Variants in DNAH6 observed in about 807,000 individuals in gnomAD.
DNAH6 encodes dynein axonemal heavy chain 6.
In DNAH6, 340 loss-of-function variants were observed where a neutral mutation model predicts 491.4. The observed-to-expected ratio is 0.69, with a 90% CI of 0.63 to 0.76. The LOEUF is 0.76. Among genes scored for constraint, DNAH6 ranks in the 30% least tolerant of loss-of-function variants. The pLI is 0.00. For missense variants in DNAH6, 4,443 were observed against 4,972.2 expected (o/e 0.89, Z 3.20); for synonymous variants, 1,603 against 1,686.1 (o/e 0.95, Z 1.21).
At chr2:84,808,131 A>ATATATGTGTG (rs369348036) in intron 71 of DNAH6, among the ~76,000 whole-genome samples, 3 of 141,152 alleles carry the variant, frequency 2.1e-5, no homozygotes, top group African/African-American at 8.5e-5. Context: ...GTGTATATAT[A>ATATATGTGTG]TGTGTGTGTG....
chr2:84,558,947 A>T (rs1159937136), intron 11 of DNAH6, among the ~76,000 whole-genome samples: 1 of 152,162 alleles, frequency 6.6e-6, no homozygotes. Context: ...TTCAAACCTA[A>T]AATTTACCCA....
At chr2:84,601,147 T>C (rs1210546434) in intron 18 of DNAH6, among the ~76,000 whole-genome samples, 2 of 148,998 alleles carry the variant, frequency 1.3e-5, no homozygotes, top group East Asian at 1.9e-4. Context: ...CTTGAGGTGC[T>C]GGGAAGTAAG....
At chr2:84,788,533 A>T (rs1172714162) in intron 68 of DNAH6, among the ~76,000 whole-genome samples, 1 of 152,250 alleles carries the variant, frequency 6.6e-6, no homozygotes, top group African/African-American at 2.4e-5. Context: ...GAAAAAAAGA[A>T]TGAAGTCAAA....
At chr2:84,745,288 AT>A (rs1268622755) in intron 63 of DNAH6, 39 bp downstream of exon 63, 1 of 1,354,712 alleles carries the variant, frequency 7.4e-7, no homozygotes, top group Non-Finnish European at 9.7e-7. Context: ...TGTTACAATT[AT>A]TTCTACTAAA....
chr2:84,593,807 T>G (rs1424799035), intron 16 of DNAH6, among the ~76,000 whole-genome samples, 165 bp from the exon 17 acceptor site: 3 of 123,186 alleles, frequency 2.4e-5, no homozygotes, highest in Non-Finnish European at 4.6e-5. Flanking sequence ...TTTTGTGGAG[T>G]TTTTTTTTTT....
At chr2:84,812,691 TATA>T (rs1372162080) in intron 73 of DNAH6, among the ~76,000 whole-genome samples, 165 bp downstream of exon 73, 1 of 152,216 alleles carries the variant, frequency 6.6e-6, no homozygotes, top group Non-Finnish European at 1.5e-5. Context: ...TTATACTGAT[TATA>T]ATATCGTTTG....
Position 84,595,740 on chromosome 2 carries a change from A to G in DNAH6, c.2819A>G (p.Asn940Ser). Residue 940 changes from asparagine (N) to serine (S), a missense_variant, in exon 18 of 77, where the codon AAC (asparagine) becomes AGC (serine). By Grantham distance (46) the Asn-to-Ser change is conservative (BLOSUM62 1). Transcript: ENST00000389394. The stretch of plus-strand genomic sequence containing the variant: ...CAACTGGAAAAAGGCTTGCCACCCA[A>G]CAGTGTAGTGCCCCAGCTCAAATAC... The part of the protein sequence containing the change: ...VTQLEKGLPP[N>S]SVVPQLKYKV... 6.4e-7 allele frequency: 1 copy of G among 1,551,338 alleles called. No individual in the cohort carries two copies. The highest frequency in any genetic ancestry group is 1.2e-5 in the South Asian group (1 of 83,914).
At chr2:84,540,385 T>C (rs1678130823) in intron 4 of DNAH6, among the ~76,000 whole-genome samples, 1 of 152,152 alleles carries the variant, frequency 6.6e-6, no homozygotes, top group Admixed American at 6.5e-5. Flanking sequence ...AGCACAACAG[T>C]CACATGAGGC....
At chr2:84,698,998 T>A (rs1192288) in intron 47 of DNAH6, among the ~76,000 whole-genome samples, 15,671 of 151,932 alleles carry the variant, frequency 0.1, 1,392 homozygotes, top group African/African-American at 0.24. Context: ...GGACATAAAG[T>A]TGGGAACAAT....
At chr2:84,548,647 G>C (rs1679034041) in intron 8 of DNAH6, among the ~76,000 whole-genome samples, 1 of 152,066 alleles carries the variant, frequency 6.6e-6, no homozygotes, top group Non-Finnish European at 1.5e-5. Context: ...AAAAAAAATG[G>C]AACCCTTCAC....
the DNAH6 span, among the ~76,000 whole-genome samples, chr2:84,484,575 T>C: frequency 6.6e-6 from 1 of 152,218 alleles, no homozygotes; most frequent in Non-Finnish European, 1.5e-5. Context: ...CTTGGTTTTG[T>C]GGCCTCTTTT....
chr2:84,535,062 A>G (rs1413579562), intron 4 of DNAH6, among the ~76,000 whole-genome samples: 1 of 151,900 alleles, frequency 6.6e-6, no homozygotes, highest in Non-Finnish European at 1.5e-5. Flanking sequence ...TTTTAATTTT[A>G]TAATTTTACT....
At position 84,634,659 on chromosome 2, in the gene DNAH6, C is replaced by T. The variant is rs774447952; in HGVS notation, c.4653+18C>T. On this transcript the variant is annotated intron_variant, in intron 30 of 76. Coordinates refer to ENST00000389394, the MANE Select transcript of DNAH6 (RefSeq NM_001370.2). Reference sequence around the variant, plus strand: ...CGGCAAAGGTAAGGCACTGGGCAATCGACTTTCAAGGTAGCAATCCTTAAA... The same window carrying T: ...CGGCAAAGGTAAGGCACTGGGCAATTGACTTTCAAGGTAGCAATCCTTAAA... The T allele has an allele frequency of 3.4e-5, 51 of 1,490,766 alleles. No individual in the cohort carries two copies. Among genetic ancestry groups the T allele is most frequent in the Non-Finnish European group, 4.5e-5 (50 of 1,121,528 alleles). The allele number at this position is 1,490,766 out of a possible 1,614,324, so 92.3% of individuals were successfully genotyped here. A position where few individuals can be genotyped will look rare whatever the true frequency, so the allele number is the denominator to read the frequency against.
At chr2:84,636,437 T>A (rs949256703) in intron 30 of DNAH6, among the ~76,000 whole-genome samples, 1 of 152,168 alleles carries the variant, frequency 6.6e-6, no homozygotes. Context: ...CACTGTAGTA[T>A]GTGTTGCACT....
At chr2:84,598,443 A>G (rs990997979) in intron 18 of DNAH6, among the ~76,000 whole-genome samples, 1 of 152,194 alleles carries the variant, frequency 6.6e-6, no homozygotes, top group Non-Finnish European at 1.5e-5. Flanking sequence ...GATTTTTAAT[A>G]AAGCTGCTAT....
intron 51 of DNAH6, among the ~76,000 whole-genome samples, 173 bp from the exon 52 acceptor site, chr2:84,705,313 T>C (rs1224852362): frequency 6.6e-6 from 1 of 152,240 alleles, no homozygotes; most frequent in East Asian, 1.9e-4. Flanking sequence ...CATTTTCTTT[T>C]CGCCCCCTGA....
At position 84,689,126 on chromosome 2, in the gene DNAH6, G is replaced by A. The variant is rs145332550; in HGVS notation, c.7292+533G>A. Among the ~76,000 whole-genome samples the A allele has an allele frequency of 3.6e-3, 549 of 152,270 alleles. 3 individuals carry two copies. The highest frequency in any genetic ancestry group is 0.012 in the African/African-American group (508 of 41,556). On this transcript the variant is annotated intron_variant, in intron 45 of 76. Transcript: ENST00000389394. ...TCCTGTCCTGTTTGACAGTTCTAAT[G>A]CTAAAATGATCCTTCCAGGATAAGC...
At chr2:84,588,755 A>T in intron 15 of DNAH6, 71 bp from the exon 16 acceptor site, 3 of 1,236,240 alleles carry the variant, frequency 2.4e-6, no homozygotes, top group Non-Finnish European at 3.3e-6. Context: ...AATGTTTATT[A>T]ATTCATTTAA....
chr2:84,693,763 A>AT (rs1489447748), intron 45 of DNAH6, among the ~76,000 whole-genome samples: 2 of 151,916 alleles, frequency 1.3e-5, no homozygotes, highest in African/African-American at 2.4e-5. Flanking sequence ...TCCTGTTAAC[A>AT]TGAATCAGAA....
Sources: gnomAD v4.1 joint callset for allele counts (sites outside exome capture counted in the v4.1 genomes callset) on GRCh38, gnomAD v4.1.1 for gene constraint, MANE v1.5 for transcripts, NCBI Gene and HGNC (gene_info 2026-07-23, HGNC 2026-07-21) for gene names.